The following R3HDM2 variants were observed in gnomAD, a reference collection of about 807,000 sequenced individuals.
The protein encoded by R3HDM2 is R3H domain containing 2, also known as R3H domain-containing protein 2.
A neutral mutation model predicts 124.5 loss-of-function variants in R3HDM2; 38 were observed. That is an observed-to-expected ratio of 0.31 (90% CI 0.24 to 0.40). R3HDM2 has a LOEUF of 0.40. Ranked by LOEUF, R3HDM2 falls within the 10% of genes least tolerant of loss-of-function variation. R3HDM2 has a pLI of 1.00. For missense variants in R3HDM2, 869 were observed against 1,236.9 expected (o/e 0.70, Z 4.46); for synonymous variants, 391 against 448.0 (o/e 0.87, Z 1.61).
At chr12:57,337,996 T>C (rs1371181120) in intron 2 of R3HDM2, among the ~76,000 whole-genome samples, 2 of 152,232 alleles carry the variant, frequency 1.3e-5, no homozygotes, top group Non-Finnish European at 2.9e-5. Context: ...ACTGCAGGTT[T>C]CTTTATACTT....
intron 2 of R3HDM2, among the ~76,000 whole-genome samples, chr12:57,395,086 T>A (rs1289401833): frequency 6.6e-6 from 1 of 151,924 alleles, no homozygotes; most frequent in Non-Finnish European, 1.5e-5. Flanking sequence ...GGTGGGCGCC[T>A]GTAATCCCAG....
chr12:57,377,848 G>T (rs182334863), intron 2 of R3HDM2, among the ~76,000 whole-genome samples: 95 of 152,270 alleles, frequency 6.2e-4, no homozygotes, highest in African/African-American at 2.1e-3. Flanking sequence ...AGAAGTTTGG[G>T]AGGCCGAGGT....
intron 21 of R3HDM2, among the ~76,000 whole-genome samples, chr12:57,257,728 A>AACTT (rs2039480279): frequency 6.6e-6 from 1 of 152,370 alleles, no homozygotes; most frequent in East Asian, 1.9e-4. Flanking sequence ...AAGTTCAGTG[A>AACTT]ACTTATTTTC....
intron 2 of R3HDM2, among the ~76,000 whole-genome samples, chr12:57,331,952 T>A (rs2058256248): frequency 6.6e-6 from 1 of 150,458 alleles, no homozygotes; most frequent in South Asian, 2.1e-4. Flanking sequence ...TAGCTAGGCA[T>A]GGTGGCATGT....
intron 19 of R3HDM2, among the ~76,000 whole-genome samples, chr12:57,261,576 G>C (rs1360804013): frequency 6.6e-6 from 1 of 152,082 alleles, no homozygotes; most frequent in Non-Finnish European, 1.5e-5. Context: ...TGCAGCCTCT[G>C]TCCTGAGCTC....
intron 2 of R3HDM2, among the ~76,000 whole-genome samples, chr12:57,314,806 C>G (rs926599622): frequency 2.6e-5 from 4 of 152,100 alleles, no homozygotes; most frequent in Admixed American, 2.0e-4. Flanking sequence ...CTTAAATAGC[C>G]TCAAATTTAT....
At chr12:57,392,323 G>T (rs2066818769) in intron 2 of R3HDM2, among the ~76,000 whole-genome samples, 1 of 152,182 alleles carries the variant, frequency 6.6e-6, no homozygotes, top group African/African-American at 2.4e-5. Flanking sequence ...GTAAGGCGAT[G>T]GTTTCAGGAT....
At chr12:57,268,604 A>G (rs2042967813) in intron 17 of R3HDM2, 147 bp from the exon 18 acceptor site, 1 of 863,892 alleles carries the variant, frequency 1.2e-6, no homozygotes, top group Non-Finnish European at 1.8e-6. Context: ...CCTAAAGAAA[A>G]TGTTTCCAGA....
At chr12:57,303,991 T>C (rs1164716949) in intron 3 of R3HDM2, among the ~76,000 whole-genome samples, 1 of 152,042 alleles carries the variant, frequency 6.6e-6, no homozygotes, top group Non-Finnish European at 1.5e-5. Flanking sequence ...ATTTAATCAA[T>C]AATGGATATG....
At chr12:57,395,394 C>T (rs772903568) in intron 2 of R3HDM2, among the ~76,000 whole-genome samples, 2 of 151,958 alleles carry the variant, frequency 1.3e-5, no homozygotes, top group South Asian at 4.1e-4. Context: ...ATCCCAGCAA[C>T]TCGGGAAGCT....
rs546774377 is a variant in R3HDM2 at position 57,304,488 on chromosome 12, T to C, written c.166-1271A>G. ...GACAGAGTACCAGCATGGCCTTGGG[T>C]AGGTGAGGATTTCTCTTTTCTTGGT... is the stretch of plus-strand genomic sequence containing the variant. On this transcript the variant is annotated intron_variant, in intron 3 of 23. Coordinates refer to ENST00000402412, the MANE Select transcript of R3HDM2 (RefSeq NM_001394031.1). The C allele has an allele frequency of 8.2e-6, 8 of 981,508 alleles. No homozygotes were observed. In the African/African-American group the frequency reaches 8.8e-5, roughly 11 times the overall value. The allele number at this position is 981,508 out of a possible 1,614,324, so 60.8% of individuals were successfully genotyped here. A position where few individuals can be genotyped will look rare whatever the true frequency, so the allele number is the denominator to read the frequency against.
intron 20 of R3HDM2, 94 bp downstream of exon 20, chr12:57,258,796 A>G (rs2039866348): frequency 8.4e-7 from 1 of 1,196,698 alleles, no homozygotes; most frequent in African/African-American, 1.6e-5. Flanking sequence ...AGGAAAAGAC[A>G]TGTAAAAGAG....
intron 13 of R3HDM2, among the ~76,000 whole-genome samples, chr12:57,282,820 G>A (rs866431834): frequency 1.3e-5 from 2 of 152,192 alleles, no homozygotes; most frequent in Admixed American, 6.5e-5. Context: ...AGAGACCTAG[G>A]GGTCAGAGGC....
At position 57,269,948 on chromosome 12, in the gene R3HDM2, TGGCGACTAA is replaced by T. The variant is rs1376033399; in HGVS notation, c.1382_1390del (p.Leu461_Arg463del). On this transcript the variant is annotated inframe_deletion, in exon 15 of 24. Coordinates refer to ENST00000402412, the MANE Select transcript of R3HDM2 (RefSeq NM_001394031.1). ...TGGGTCAGCTGCTTCAGTAGAACCT[TGGCGACTAA>T]GGCTCATTTGTCCAAAGGGGTTGCT... The T allele has an allele frequency of 3.1e-6, 5 of 1,614,202 alleles. No individual in the cohort carries two copies. The highest frequency in any genetic ancestry group is 3.4e-6 in the Non-Finnish European group (4 of 1,180,016).
At chr12:57,364,705 AGCACTTTGGGAGGC>A (rs1352629119) in intron 2 of R3HDM2, among the ~76,000 whole-genome samples, 1 of 151,978 alleles carries the variant, frequency 6.6e-6, no homozygotes, top group Non-Finnish European at 1.5e-5. Flanking sequence ...CTGTAATCCC[AGCACTTTGGGAGGC>A]CGAGGCGGGC....
At chr12:57,306,136 A>C (rs1160977992) in intron 3 of R3HDM2, among the ~76,000 whole-genome samples, 1 of 152,186 alleles carries the variant, frequency 6.6e-6, no homozygotes, top group Non-Finnish European at 1.5e-5. Flanking sequence ...CCAAATTTTC[A>C]GCTCCTATTT....
Position 57,254,744 on chromosome 12 carries a change from T to C in R3HDM2, c.*29A>G. The C allele has an allele frequency of 6.1e-6, 9 of 1,478,780 alleles. No homozygotes were observed. The highest frequency in any genetic ancestry group is 8.3e-6 in the Non-Finnish European group (9 of 1,082,652). The allele number at this position is 1,478,780 out of a possible 1,614,324, so 91.6% of individuals were successfully genotyped here. A position where few individuals can be genotyped will look rare whatever the true frequency, so the allele number is the denominator to read the frequency against. Reference sequence around the variant, plus strand: ...CCCCCTCCACCCTGCCCTTGCTCCTTCTGTGACAGTCCCTTTCCCCTCCTC... The same window carrying C: ...CCCCCTCCACCCTGCCCTTGCTCCTCCTGTGACAGTCCCTTTCCCCTCCTC... On this transcript the variant is annotated 3_prime_UTR_variant, in exon 24 of 24. Coordinates refer to ENST00000402412, the MANE Select transcript of R3HDM2 (RefSeq NM_001394031.1).
rs575034292 is a variant in R3HDM2, at chr12:57,387,330, G to A, written c.-36+8419C>T. On this transcript the variant is annotated intron_variant, in intron 2 of 23. Coordinates refer to ENST00000402412, the MANE Select transcript of R3HDM2 (RefSeq NM_001394031.1). ...CTGTAGCTTCACTCCTGAAGCCAGC[G>A]AGACCACGAACCCACCAGAAGGAAG... Among the ~76,000 whole-genome samples, 5 of 152,046 alleles carry A rather than the reference G, an allele frequency of 3.3e-5. No homozygotes were observed. In the South Asian group the frequency reaches 8.3e-4, roughly 25 times the overall value.
intron 2 of R3HDM2, among the ~76,000 whole-genome samples, chr12:57,347,243 C>T (rs944810306): frequency 3.3e-5 from 5 of 150,552 alleles, no homozygotes; most frequent in African/African-American, 1.2e-4. Flanking sequence ...GAGACCCCAT[C>T]TTAAAAAAAA....
Sources: allele counts gnomAD v4.1 joint callset (sites outside exome capture counted in the v4.1 genomes callset), GRCh38; gene constraint gnomAD v4.1.1; transcripts MANE v1.5; gene names NCBI Gene and HGNC (gene_info 2026-07-23, HGNC 2026-07-21).